CCSER1: variants seen among roughly 807,000 people sequenced by gnomAD.
The protein encoded by CCSER1 is coiled-coil serine rich protein 1.
In CCSER1, 41 loss-of-function variants were observed where a neutral mutation model predicts 82.0. The observed-to-expected ratio is 0.50, with a 90% confidence interval of 0.39 to 0.65. The LOEUF (loss-of-function observed/expected upper bound fraction) is 0.65, where lower values mean the gene tolerates loss of function less well. Ranked by LOEUF, CCSER1 falls within the 30% of genes least tolerant of loss-of-function variation. The pLI, the probability that CCSER1 is intolerant of heterozygous loss-of-function variation, is 0.00. For synonymous variants in CCSER1, 414 were observed against 383.9 expected, an observed-to-expected ratio of 1.08 and a Z score of -0.92; for missense variants, 1,119 against 1,064.2, an observed-to-expected ratio of 1.05 and a Z score of -0.72.
At chr4:90,952,200 T>C (rs1732985179) in intron 9 of CCSER1, among the ~76,000 whole-genome samples, 1 of 151,988 alleles carries the variant, frequency 6.6e-6, no homozygotes, top group African/African-American at 2.4e-5. Context: ...AAAGAAAATA[T>C]CAAGTCAAAC....
At chr4:91,054,478 T>A (rs1743270052) in intron 9 of CCSER1, among the ~76,000 whole-genome samples, 1 of 152,194 alleles carries the variant, frequency 6.6e-6, no homozygotes, top group African/African-American at 2.4e-5. Flanking sequence ...TTGTCTTTTT[T>A]AATCTTTTTT....
intron 1 of CCSER1, among the ~76,000 whole-genome samples, chr4:90,197,295 T>G (rs1367191642): frequency 6.6e-6 from 1 of 152,072 alleles, no homozygotes; most frequent in African/African-American, 2.4e-5. Flanking sequence ...CTCTCAGAAA[T>G]CCATCTTTTT....
intron 10 of CCSER1, among the ~76,000 whole-genome samples, chr4:91,158,251 T>A (rs1731018504): frequency 6.6e-6 from 1 of 152,018 alleles, no homozygotes; most frequent in African/African-American, 2.4e-5. Context: ...CCAATAGCAC[T>A]ATTTTATGCT....
chr4:91,370,667 G>C (rs1398605968), intron 10 of CCSER1, among the ~76,000 whole-genome samples: 4 of 151,626 alleles, frequency 2.6e-5, no homozygotes, highest in Non-Finnish European at 5.9e-5. Flanking sequence ...TTGCACTCCA[G>C]CCTGGGCGAC....
intron 9 of CCSER1, among the ~76,000 whole-genome samples, chr4:91,053,942 G>A (rs993257125): frequency 9.9e-5 from 15 of 152,168 alleles, no homozygotes; most frequent in Non-Finnish European, 1.2e-4. Context: ...GTCCCCTATG[G>A]AGGGACATGT....
At chr4:90,572,282 T>G (rs747429852) in intron 5 of CCSER1, among the ~76,000 whole-genome samples, 2 of 152,230 alleles carry the variant, frequency 1.3e-5, no homozygotes, top group African/African-American at 2.4e-5. Flanking sequence ...TTCAGAATAC[T>G]CTCTTTGTCT....
At chr4:91,201,140 G>A (rs1735874158) in intron 10 of CCSER1, among the ~76,000 whole-genome samples, 1 of 151,942 alleles carries the variant, frequency 6.6e-6, no homozygotes, top group African/African-American at 2.4e-5. Context: ...ATATAATGGT[G>A]CTCCCTACAT....
At position 91,409,827 on chromosome 4, in the gene CCSER1, C is replaced by T. The variant is rs960049906; in HGVS notation, c.2218-188745C>T. On this transcript the variant is annotated intron_variant, in intron 10 of 10. Coordinates refer to ENST00000509176, the MANE Select transcript of CCSER1 (RefSeq NM_001145065.2). ...CCTCCTGAGTAGCTGGGATCACAGG[C>T]GCCTGCCACCATGACTGGCTAATTT... Among the ~76,000 whole-genome samples the T allele has an allele frequency of 1.8e-4, 28 of 152,160 alleles. 1 individual carries two copies. Among genetic ancestry groups the T allele is most frequent in the East Asian group, 1.7e-3 (9 of 5,154 alleles).
intron 7 of CCSER1, among the ~76,000 whole-genome samples, chr4:90,782,947 G>A (rs1392761859): frequency 6.8e-6 from 1 of 148,046 alleles, no homozygotes; most frequent in South Asian, 2.2e-4. Context: ...CCCGAAGTGC[G>A]TTTTGAGACG....
chr4:91,355,458 A>G (rs1399037657), intron 10 of CCSER1, among the ~76,000 whole-genome samples: 1 of 152,136 alleles, frequency 6.6e-6, no homozygotes, highest in Admixed American at 6.5e-5. Flanking sequence ...CCTGGGCTAC[A>G]TACCTTGGAT....
At chr4:91,569,420 G>C (rs1459346637) in intron 10 of CCSER1, among the ~76,000 whole-genome samples, 1 of 152,040 alleles carries the variant, frequency 6.6e-6, no homozygotes, top group Non-Finnish European at 1.5e-5. Flanking sequence ...TTGTCTCCTG[G>C]GGGCTTGTAT....
intron 4 of CCSER1, among the ~76,000 whole-genome samples, chr4:90,466,705 A>G (rs1200449096): frequency 1.3e-5 from 2 of 152,208 alleles, no homozygotes; most frequent in African/African-American, 4.8e-5. Flanking sequence ...AAAGTGACAA[A>G]ACCAAGTGTT....
In CCSER1 at chr4:91,581,590, T is replaced by C. The variant is rs148453223; in HGVS notation, c.2218-16982T>C. 4.0e-3 allele frequency among the ~76,000 whole-genome samples: 612 copies of C among 151,770 alleles called. 6 individuals are homozygous for C. The highest frequency in any genetic ancestry group is 0.014 in the African/African-American group (575 of 41,508). On this transcript the variant is annotated intron_variant, in intron 10 of 10. Coordinates refer to ENST00000509176, the MANE Select transcript of CCSER1 (RefSeq NM_001145065.2). Reference sequence around the variant, plus strand: ...GATAAGCAGCTGACAGGGTTACAAATGGAGTATTCCAAATGATGATTTAAC... The same window carrying C: ...GATAAGCAGCTGACAGGGTTACAAACGGAGTATTCCAAATGATGATTTAAC...
chr4:91,121,620 ATTAAC>A (rs1256770125), intron 10 of CCSER1, among the ~76,000 whole-genome samples: 2 of 151,736 alleles, frequency 1.3e-5, no homozygotes, highest in Non-Finnish European at 3.0e-5. Context: ...AATATGCACT[ATTAAC>A]TTAGTATCTA....
intron 3 of CCSER1, among the ~76,000 whole-genome samples, chr4:90,350,702 A>G (rs916734232): frequency 2.0e-5 from 3 of 152,142 alleles, no homozygotes; most frequent in African/African-American, 7.2e-5. Context: ...AATATAACAA[A>G]TATAGCTGTC....
intron 7 of CCSER1, among the ~76,000 whole-genome samples, chr4:90,765,732 G>T (rs1249981630): frequency 6.6e-6 from 1 of 152,026 alleles, no homozygotes. Context: ...AATAAACAAA[G>T]AAAATATACA....
At chr4:91,269,803 A>G (rs545667291) in intron 10 of CCSER1, among the ~76,000 whole-genome samples, 82 of 151,968 alleles carry the variant, frequency 5.4e-4, no homozygotes, top group Non-Finnish European at 1.1e-3. Flanking sequence ...TACAATTAAA[A>G]CTCTACTTAA....
At chr4:91,363,379 G>GTGTT (rs1749391119) in intron 10 of CCSER1, among the ~76,000 whole-genome samples, 1 of 151,266 alleles carries the variant, frequency 6.6e-6, no homozygotes, top group African/African-American at 2.4e-5. Flanking sequence ...GTGTGTGTGT[G>GTGTT]TGTGTGTGTG....
chr4:91,000,199 G>T (rs1737890505), intron 9 of CCSER1, among the ~76,000 whole-genome samples: 1 of 140,880 alleles, frequency 7.1e-6, no homozygotes, highest in Non-Finnish European at 1.6e-5. Flanking sequence ...CTAATGCATA[G>T]TATAGTATAG....
Sources: allele counts gnomAD v4.1 joint callset (sites outside exome capture counted in the v4.1 genomes callset), GRCh38; gene constraint gnomAD v4.1.1; transcripts MANE v1.5; gene names NCBI Gene and HGNC (gene_info 2026-07-23, HGNC 2026-07-21).